The following PTGFR variants were observed in gnomAD, a reference collection of about 807,000 sequenced individuals.
PTGFR encodes prostaglandin F2-alpha receptor.
A neutral mutation model predicts 26.2 loss-of-function variants in PTGFR; 15 were observed. The observed-to-expected ratio is 0.57, with a 90% CI of 0.38 to 0.88. The LOEUF is 0.88. PTGFR is among the 40% of genes least tolerant of loss of function. The pLI, the probability that PTGFR is intolerant of heterozygous loss-of-function variation, is 0.00. For synonymous variants in PTGFR, 165 were observed against 151.1 expected (o/e 1.09, Z -0.68); for missense variants, 369 against 427.2 (o/e 0.86, Z 1.20).
chr1:78,512,195 G>C (rs1387083062), intron 2 of PTGFR, among the ~76,000 whole-genome samples: 1 of 152,098 alleles, frequency 6.6e-6, no homozygotes, highest in African/African-American at 2.4e-5. Flanking sequence ...ACCTCTGCCT[G>C]GTTCACAGTT....
chr1:78,502,315 T>C (rs997386466), intron 2 of PTGFR, among the ~76,000 whole-genome samples: 7 of 152,160 alleles, frequency 4.6e-5, no homozygotes, highest in African/African-American at 1.7e-4. Context: ...AAAAGCAATA[T>C]AGTGTAGTGT....
chr1:78,497,252 A>T (rs1649575881), intron 2 of PTGFR, among the ~76,000 whole-genome samples: 1 of 152,208 alleles, frequency 6.6e-6, no homozygotes, highest in African/African-American at 2.4e-5. Flanking sequence ...TTTTAAACAC[A>T]GTTAATTCAT....
chr1:78,523,528 GA>G (rs1650296865), intron 2 of PTGFR, among the ~76,000 whole-genome samples: 1 of 151,994 alleles, frequency 6.6e-6, no homozygotes, highest in Admixed American at 6.6e-5. Flanking sequence ...TGGGAAAGGA[GA>G]ATGTGAAAAA....
chr1:78,501,002 C>A (rs1293829925), intron 2 of PTGFR, among the ~76,000 whole-genome samples: 3 of 150,954 alleles, frequency 2.0e-5, no homozygotes, highest in Non-Finnish European at 4.4e-5. Flanking sequence ...AAAAACATGA[C>A]CTTTTTTTTT....
At chr1:78,514,364 A>G (rs1650043743) in intron 2 of PTGFR, among the ~76,000 whole-genome samples, 2 of 152,082 alleles carry the variant, frequency 1.3e-5, no homozygotes, top group African/African-American at 2.4e-5. Flanking sequence ...TTCATTCAGG[A>G]GCTTTAAGAT....
chr1:78,519,066 T>C (rs1293822509), intron 2 of PTGFR, among the ~76,000 whole-genome samples: 1 of 152,170 alleles, frequency 6.6e-6, no homozygotes. Context: ...AAATTGCCTA[T>C]CAAATATTTA....
At chr1:78,534,073 C>G (rs1650587449) in intron 2 of PTGFR, among the ~76,000 whole-genome samples, 2 of 152,126 alleles carry the variant, frequency 1.3e-5, no homozygotes, top group Admixed American at 1.3e-4. Context: ...TCTCAGAATT[C>G]TAATCATCAA....
intron 2 of PTGFR, 37 bp downstream of exon 2, chr1:78,493,578 T>C: frequency 6.7e-7 from 1 of 1,496,914 alleles, no homozygotes; most frequent in Admixed American, 2.3e-5. Flanking sequence ...CTTTCTTGGG[T>C]TAATCCATGT....
intron 2 of PTGFR, among the ~76,000 whole-genome samples, chr1:78,519,772 TAA>T (rs2100383046): frequency 6.6e-6 from 1 of 152,210 alleles, no homozygotes; most frequent in African/African-American, 2.4e-5. Context: ...GCCAAGCAAC[TAA>T]AAGAGTTCTG....
chr1:78,522,091 C>T (rs192803211), intron 2 of PTGFR, among the ~76,000 whole-genome samples: 16 of 152,056 alleles, frequency 1.1e-4, no homozygotes, highest in Non-Finnish European at 2.4e-4. Context: ...CAGGCAGAAT[C>T]CATTTCCTTG....
intron 2 of PTGFR, among the ~76,000 whole-genome samples, chr1:78,526,808 T>C (rs894978469): frequency 6.6e-6 from 1 of 152,050 alleles, no homozygotes; most frequent in African/African-American, 2.4e-5. Flanking sequence ...AAGGAGCCAT[T>C]TCAAAGATGG....
chr1:78,491,674 G>T lies in PTGFR; in HGVS notation c.-73+438G>T, dbSNP rs547075817. On this transcript the variant is annotated intron_variant, in intron 1 of 2. Coordinates refer to ENST00000370757, the MANE Select transcript of PTGFR (RefSeq NM_000959.4). ...TGCGAGGCCAGGCCGAAGGGCGGGG[G>T]GGATAGTAACGGGCGAAAGTCGAAC... 5.9e-5 allele frequency among the ~76,000 whole-genome samples: 9 copies of T among 152,346 alleles called. No individual in the cohort carries two copies. In the South Asian group the frequency reaches 8.3e-4, roughly 14 times the overall value.
Position 78,539,636 on chromosome 1 carries a change from A to G in PTGFR, c.*2949A>G. On this transcript the variant is annotated 3_prime_UTR_variant, in exon 3 of 3. Coordinates refer to ENST00000370757, the MANE Select transcript of PTGFR (RefSeq NM_000959.4). ...ACTTGTTGGATTGTATAGAGATTAA[A>G]TAGTGATATGTATATTTTGTTGTTT... is the stretch of plus-strand genomic sequence containing the variant. 1 of 152,534 alleles carries G rather than the reference A, an allele frequency of 6.6e-6. No individual in the cohort carries two copies. The highest frequency in any genetic ancestry group is 1.9e-4 in the East Asian group (1 of 5,194). 9.4% of individuals were successfully genotyped at this position (152,534 alleles called of 1,614,324 possible). A position where few individuals can be genotyped will look rare whatever the true frequency, so the allele number is the denominator to read the frequency against.
rs752236327 is a variant in PTGFR, at chr1:78,536,600, T to C, written c.993T>C (p.His331=). ...GTGGAGTGCATGTCATCAGCTTACA[T>C]ATTTGGGAGCTTAGTTCCATTAAAA... ...QCCGVHVISL[H]IWELSSIKNS... The change falls in exon 3 of 3, where the codon CAT becomes CAC. Residue 331 remains histidine (H), a synonymous_variant. Transcript: ENST00000370757. The C allele has an allele frequency of 9.3e-6, 15 of 1,613,360 alleles. No homozygotes were observed. The highest frequency in any genetic ancestry group is 7.7e-5 in the South Asian group (7 of 91,068).
At chr1:78,497,997 T>C in intron 2 of PTGFR, 1 of 1,345,328 alleles carries the variant, frequency 7.4e-7, no homozygotes, top group Non-Finnish European at 1.1e-6. Flanking sequence ...TGGAGCTTGA[T>C]TTTCCTAAGG....
chr1:78,504,020 G>A (rs1649769147), intron 2 of PTGFR, among the ~76,000 whole-genome samples: 1 of 152,182 alleles, frequency 6.6e-6, no homozygotes, highest in Admixed American at 6.5e-5. Context: ...GCAGCAGAAA[G>A]CTGGTGGTAT....
intron 2 of PTGFR, chr1:78,532,314 T>G (rs2100400648): frequency 4.6e-6 from 1 of 216,168 alleles, no homozygotes; most frequent in Non-Finnish European, 9.3e-6. Flanking sequence ...GGCTCAGACG[T>G]GACACCTGAG....
chr1:78,517,850 T>C (rs80103893), intron 2 of PTGFR, among the ~76,000 whole-genome samples: 1 of 152,306 alleles, frequency 6.6e-6, no homozygotes, highest in African/African-American at 2.4e-5. Flanking sequence ...TGGATTATAA[T>C]GGAACAGAAT....
In PTGFR at chr1:78,521,434, T is replaced by C. The variant is rs35135762; in HGVS notation, c.799-14972T>C. 4.6e-4 allele frequency among the ~76,000 whole-genome samples: 70 copies of C among 152,294 alleles called. No individual in the cohort carries two copies. In the East Asian group the frequency reaches 0.013, roughly 29 times the overall value. On this transcript the variant is annotated intron_variant, in intron 2 of 2. Transcript: ENST00000370757. Reference sequence around the variant, plus strand: ...AACAGTGTTCTAAATATTTTGACTATGACCATTGATAGGACATGTACTTAC... The same window carrying C: ...AACAGTGTTCTAAATATTTTGACTACGACCATTGATAGGACATGTACTTAC...
Sources: allele counts gnomAD v4.1 joint callset (sites outside exome capture counted in the v4.1 genomes callset), GRCh38; gene constraint gnomAD v4.1.1; transcripts MANE v1.5; gene names NCBI Gene and HGNC (gene_info 2026-07-23, HGNC 2026-07-21).